CAMK1D: variants seen among roughly 807,000 people sequenced by gnomAD.
The protein encoded by CAMK1D is calcium/calmodulin dependent protein kinase ID.
Under a neutral mutation model 47.7 loss-of-function variants are expected in CAMK1D, and 9 were observed. The ratio of observed to expected loss-of-function variants is 0.19; its 90% confidence interval spans 0.11 to 0.33. The LOEUF is 0.33. Among genes scored for constraint, CAMK1D ranks in the 10% least tolerant of loss-of-function variants. The pLI is 1.00. For synonymous variants in CAMK1D, 184 were observed against 184.9 expected (o/e 0.99, Z 0.04); for missense variants, 291 against 488.7 (o/e 0.60, Z 3.81).
chr10:12,396,228 G>A (rs1462675477), intron 1 of CAMK1D, among the ~76,000 whole-genome samples: 33 of 152,126 alleles, frequency 2.2e-4, no homozygotes, highest in Admixed American at 2.1e-3. Context: ...TCCTTAACTC[G>A]GAGCAGCAGT....
intron 1 of CAMK1D, among the ~76,000 whole-genome samples, chr10:12,422,928 C>T (rs1840107362): frequency 6.6e-6 from 1 of 152,104 alleles, no homozygotes; most frequent in Non-Finnish European, 1.5e-5. Flanking sequence ...CTGCCTTGGC[C>T]TCCCAAAGTG....
intron 1 of CAMK1D, among the ~76,000 whole-genome samples, chr10:12,360,792 T>C (rs895546902): frequency 6.6e-6 from 1 of 152,080 alleles, no homozygotes; most frequent in Non-Finnish European, 1.5e-5. Flanking sequence ...ACATCAACTA[T>C]TGCCAAATTG....
chr10:12,689,059 T>A (rs892027117), intron 3 of CAMK1D, among the ~76,000 whole-genome samples: 1 of 152,232 alleles, frequency 6.6e-6, no homozygotes, highest in Non-Finnish European at 1.5e-5. Flanking sequence ...TTCAGTCCCA[T>A]AGAATGCTTA....
intron 1 of CAMK1D, among the ~76,000 whole-genome samples, chr10:12,408,706 C>T (rs1333547370): frequency 1.3e-5 from 2 of 152,070 alleles, no homozygotes; most frequent in African/African-American, 2.4e-5. Flanking sequence ...CGTGCAAGGC[C>T]CGCTTTCTCC....
At chr10:12,425,439 G>A (rs889653450) in intron 1 of CAMK1D, among the ~76,000 whole-genome samples, 8 of 151,894 alleles carry the variant, frequency 5.3e-5, no homozygotes, top group African/African-American at 1.9e-4. Context: ...GTGCCACCAC[G>A]CCCAGCTAAT....
intron 2 of CAMK1D, among the ~76,000 whole-genome samples, chr10:12,577,305 A>G (rs1391770462): frequency 6.6e-6 from 1 of 152,116 alleles, no homozygotes; most frequent in African/African-American, 2.4e-5. Context: ...CTCACTAGGA[A>G]CTATGCCTCC....
chr10:12,373,753 G>T (rs1838079118), intron 1 of CAMK1D, among the ~76,000 whole-genome samples: 1 of 151,548 alleles, frequency 6.6e-6, no homozygotes. Context: ...TGGGGACATG[G>T]GTTTGCGTCA....
chr10:12,425,486 T>C (rs897614563), intron 1 of CAMK1D, among the ~76,000 whole-genome samples: 1 of 152,134 alleles, frequency 6.6e-6, no homozygotes, highest in African/African-American at 2.4e-5. Context: ...TTCACCACGT[T>C]GGCCAGGCTT....
chr10:12,780,078 G>A (rs542631725), intron 5 of CAMK1D, among the ~76,000 whole-genome samples: 1 of 152,162 alleles, frequency 6.6e-6, no homozygotes, highest in East Asian at 1.9e-4. Context: ...TCTCTAAAAG[G>A]AGATGGAGAA....
At chr10:12,736,673 G>A (rs1057188511) in intron 3 of CAMK1D, among the ~76,000 whole-genome samples, 60 of 151,564 alleles carry the variant, frequency 4.0e-4, no homozygotes, top group African/African-American at 1.3e-3. Flanking sequence ...ATGTTGACAC[G>A]ATGTGCTTCC....
chr10:12,430,345 GC>G (rs1164005086), intron 1 of CAMK1D, among the ~76,000 whole-genome samples: 1 of 152,228 alleles, frequency 6.6e-6, no homozygotes, highest in Non-Finnish European at 1.5e-5. Flanking sequence ...GACCAGCCCT[GC>G]TGGTAGGTGG....
intron 1 of CAMK1D, among the ~76,000 whole-genome samples, chr10:12,461,687 C>CAAAAAAAA (rs57291391): frequency 3.3e-5 from 3 of 90,390 alleles, no homozygotes; most frequent in Non-Finnish European, 4.5e-5. Context: ...GGCTTCATCT[C>CAAAAAAAA]AAAAAAAAAA....
At chr10:12,563,239 C>T (rs946682167) in intron 2 of CAMK1D, among the ~76,000 whole-genome samples, 1 of 152,176 alleles carries the variant, frequency 6.6e-6, no homozygotes, top group Non-Finnish European at 1.5e-5. Context: ...CCTATACCTG[C>T]AGCTACTTGG....
At chr10:12,374,712 G>A (rs1311744945) in intron 1 of CAMK1D, among the ~76,000 whole-genome samples, 2 of 152,122 alleles carry the variant, frequency 1.3e-5, no homozygotes, top group Non-Finnish European at 2.9e-5. Flanking sequence ...GGAGGCTGAG[G>A]CGGGTGGGAT....
chr10:12,392,270 C>G (rs868022348), intron 1 of CAMK1D, among the ~76,000 whole-genome samples: 1 of 152,222 alleles, frequency 6.6e-6, no homozygotes, highest in Middle Eastern at 3.4e-3. Context: ...CCATTGCACT[C>G]CAGCCTGGGT....
intron 2 of CAMK1D, among the ~76,000 whole-genome samples, chr10:12,577,162 T>G (rs1588652986): frequency 1.3e-5 from 2 of 151,070 alleles, no homozygotes; most frequent in Non-Finnish European, 2.9e-5. Flanking sequence ...TATGCTGCAG[T>G]CCCCCCGGCC....
chr10:12,593,540 A>C (rs1838057832), intron 2 of CAMK1D, among the ~76,000 whole-genome samples: 1 of 152,184 alleles, frequency 6.6e-6, no homozygotes, highest in Non-Finnish European at 1.5e-5. Flanking sequence ...CGATGAGCCA[A>C]GATTGTGCCA....
At chr10:12,423,024 T>C (rs1440833704) in intron 1 of CAMK1D, among the ~76,000 whole-genome samples, 1 of 152,148 alleles carries the variant, frequency 6.6e-6, no homozygotes, top group South Asian at 2.1e-4. Context: ...TTGTTTCTTT[T>C]GGGGAGGGTT....
chr10:12,739,432 C>T (rs1449826427), intron 3 of CAMK1D, among the ~76,000 whole-genome samples: 1 of 150,646 alleles, frequency 6.6e-6, no homozygotes, highest in East Asian at 2.0e-4. Context: ...CATGCCACCA[C>T]ACCCGGCTAA....
Sources: gnomAD v4.1 joint callset for allele counts (sites outside exome capture counted in the v4.1 genomes callset) on GRCh38, gnomAD v4.1.1 for gene constraint, MANE v1.5 for transcripts, NCBI Gene and HGNC (gene_info 2026-07-23, HGNC 2026-07-21) for gene names.